CCDC125: variants seen among roughly 807,000 people sequenced by gnomAD.
CCDC125 encodes coiled-coil domain containing 125.
A neutral mutation model predicts 57.4 loss-of-function variants in CCDC125; 43 were observed. The ratio of observed to expected loss-of-function variants is 0.75; its 90% CI spans 0.59 to 0.97. The LOEUF is 0.97. Ranked by LOEUF, CCDC125 falls within the 50% of genes least tolerant of loss-of-function variation. The pLI is 0.00. For synonymous variants in CCDC125, 187 were observed against 195.2 expected (o/e 0.96, Z 0.35); for missense variants, 563 against 595.7 (o/e 0.95, Z 0.57).
downstream of CCDC125, among the ~76,000 whole-genome samples, chr5:69,276,032 T>C (rs556763168): frequency 1.3e-5 from 2 of 152,204 alleles, no homozygotes; most frequent in South Asian, 4.1e-4. Flanking sequence ...GGAGTCTTTT[T>C]TTCTTTTCTT....
At chr5:69,315,432 T>C (rs1194839182) in intron 2 of CCDC125, among the ~76,000 whole-genome samples, 11 of 104,682 alleles carry the variant, frequency 1.1e-4, no homozygotes, top group Admixed American at 3.8e-4. Context: ...AGCGAGATTC[T>C]GTCTCAAAAA....
chr5:69,328,370 A>G (rs925027416), intron 1 of CCDC125, among the ~76,000 whole-genome samples: 1 of 152,202 alleles, frequency 6.6e-6, no homozygotes, highest in African/African-American at 2.4e-5. Flanking sequence ...ACTTTATAAA[A>G]TACTATGTAA....
chr5:69,299,528 G>C (rs905107217), intron 8 of CCDC125, among the ~76,000 whole-genome samples: 2 of 152,186 alleles, frequency 1.3e-5, no homozygotes, highest in African/African-American at 4.8e-5. Flanking sequence ...CATTGGCATT[G>C]CACCAGCAGA....
intron 8 of CCDC125, among the ~76,000 whole-genome samples, chr5:69,295,728 A>G (rs1755197987): frequency 6.6e-6 from 1 of 152,212 alleles, no homozygotes; most frequent in Non-Finnish European, 1.5e-5. Flanking sequence ...TCCCCAAAAG[A>G]AAACGATCAC....
chr5:69,275,643 CA>C (rs759419806), downstream of CCDC125, among the ~76,000 whole-genome samples: 5 of 152,022 alleles, frequency 3.3e-5, no homozygotes, highest in Non-Finnish European at 7.4e-5. Context: ...GTTTTATGTA[CA>C]AAATTAAAAA....
intron 1 of CCDC125, among the ~76,000 whole-genome samples, chr5:69,331,812 T>C (rs1277006277): frequency 1.3e-5 from 2 of 152,184 alleles, no homozygotes; most frequent in East Asian, 3.9e-4. Flanking sequence ...TCCAGTAGCC[T>C]TCCTGACTCC....
intron 11 of CCDC125, among the ~76,000 whole-genome samples, chr5:69,283,917 T>C (rs922378422): frequency 6.1e-4 from 93 of 151,734 alleles, no homozygotes; most frequent in Non-Finnish European, 1.0e-3. Flanking sequence ...CAGCCTCCCA[T>C]GTAGCTAGGG....
intron 11 of CCDC125, among the ~76,000 whole-genome samples, chr5:69,283,693 T>C (rs921919691): frequency 6.6e-6 from 1 of 151,756 alleles, no homozygotes; most frequent in African/African-American, 2.4e-5. Context: ...TTGCTAATTT[T>C]TGTAGGCTGG....
Position 69,306,912 on chromosome 5 carries a change from G to C in CCDC125, c.532-10C>G, listed in dbSNP as rs752341021. 6.7e-7 allele frequency: 1 copy of C among 1,490,532 alleles called. No individual in the cohort carries two copies. The highest frequency in any genetic ancestry group is 8.9e-7 in the Non-Finnish European group (1 of 1,123,858). 92.3% of individuals were successfully genotyped at this position (1,490,532 alleles called of 1,614,324 possible). A position where few individuals can be genotyped will look rare whatever the true frequency, so the allele number is the denominator to read the frequency against. ...GCAAGGCATTTATTTCCTATGGAAA[G>C]AAAATAGTACCTTCATGGCAAATTA... is the stretch of plus-strand genomic sequence containing the variant. On this transcript the variant is annotated splice_polypyrimidine_tract_variant and intron_variant, in intron 5 of 11. Coordinates refer to ENST00000396496, the MANE Select transcript of CCDC125 (RefSeq NM_176816.5).
At chr5:69,315,431 C>A (rs1468279589) in intron 2 of CCDC125, among the ~76,000 whole-genome samples, 8 of 104,512 alleles carry the variant, frequency 7.7e-5, no homozygotes, top group Non-Finnish European at 1.2e-4. Context: ...GAGCGAGATT[C>A]TGTCTCAAAA....
intron 10 of CCDC125, among the ~76,000 whole-genome samples, chr5:69,289,309 A>G (rs1161164704): frequency 6.6e-6 from 1 of 152,254 alleles, no homozygotes; most frequent in Non-Finnish European, 1.5e-5. Context: ...TTTACAATCC[A>G]ACTGCTATTA....
At chr5:69,285,256 TG>T in intron 11 of CCDC125, 80 bp downstream of exon 11, 1 of 1,444,216 alleles carries the variant, frequency 6.9e-7, no homozygotes, top group Non-Finnish European at 9.5e-7. Flanking sequence ...AAAGCTGTTC[TG>T]GGCTGCATGC....
At chr5:69,314,736 C>T (rs1026463957) in intron 2 of CCDC125, among the ~76,000 whole-genome samples, 12 of 151,772 alleles carry the variant, frequency 7.9e-5, no homozygotes, top group South Asian at 2.1e-4. Flanking sequence ...TCCAGGAGTT[C>T]GAGGCTGCAG....
At chr5:69,273,650 T>G in the CCDC125 span, among the ~76,000 whole-genome samples, 1 of 152,156 alleles carries the variant, frequency 6.6e-6, no homozygotes, top group South Asian at 2.1e-4. Flanking sequence ...CTAGAATAAC[T>G]TAGGGCAGAG....
chr5:69,275,107 T>A, the CCDC125 span, among the ~76,000 whole-genome samples: 2 of 151,362 alleles, frequency 1.3e-5, no homozygotes, highest in South Asian at 4.2e-4. Flanking sequence ...AAACTTGTCA[T>A]TTAGGATATA....
chr5:69,323,497 G>A (rs1295895879), intron 1 of CCDC125, among the ~76,000 whole-genome samples: 1 of 151,838 alleles, frequency 6.6e-6, no homozygotes, highest in Non-Finnish European at 1.5e-5. Flanking sequence ...CTGCAAATTC[G>A]TCTTTGTTTT....
chr5:69,306,682 T>C, intron 6 of CCDC125, 135 bp downstream of exon 6: 1 of 1,017,206 alleles, frequency 9.8e-7, no homozygotes, highest in Non-Finnish European at 1.3e-6. Flanking sequence ...AACAAAAATA[T>C]GCGACTAGTA....
intron 2 of CCDC125, among the ~76,000 whole-genome samples, chr5:69,315,947 A>T (rs1180775718): frequency 6.6e-6 from 1 of 151,844 alleles, no homozygotes; most frequent in Non-Finnish European, 1.5e-5. Flanking sequence ...AAAAAAAAAA[A>T]AAAAAATTAA....
At chr5:69,321,849 T>C (rs188807382) in intron 1 of CCDC125, among the ~76,000 whole-genome samples, 1 of 152,232 alleles carries the variant, frequency 6.6e-6, no homozygotes, top group East Asian at 1.9e-4. Context: ...CTTTTTTTTT[T>C]CTTTTAGACG....
Sources: allele counts gnomAD v4.1 joint callset (sites outside exome capture counted in the v4.1 genomes callset), GRCh38; gene constraint gnomAD v4.1.1; transcripts MANE v1.5; gene names NCBI Gene and HGNC (gene_info 2026-07-23, HGNC 2026-07-21).